CCDC85C: variants seen among roughly 807,000 people sequenced by gnomAD.
The protein encoded by CCDC85C is coiled-coil domain-containing protein 85C.
In CCDC85C, 18 loss-of-function variants were observed where a neutral mutation model predicts 38.3. The observed-to-expected ratio is 0.47, with a 90% confidence interval of 0.33 to 0.70. The LOEUF (loss-of-function observed/expected upper bound fraction) is 0.70, where lower values mean the gene tolerates loss of function less well. Ranked by LOEUF, CCDC85C falls within the 30% of genes least tolerant of loss-of-function variation. CCDC85C has a pLI of 0.03. For missense variants in CCDC85C, 566 were observed against 621.2 expected (o/e 0.91, Z 0.94); for synonymous variants, 264 against 293.8 (o/e 0.90, Z 1.04).
intron 1 of CCDC85C, among the ~76,000 whole-genome samples, chr14:99,552,085 G>T (rs12882990): frequency 0.53 from 80,836 of 152,124 alleles, 21,680 homozygotes; most frequent in African/African-American, 0.58. Context: ...GCACTAACCC[G>T]GAACCTGGGG....
Position 99,603,771 on chromosome 14 carries a change from G to T in CCDC85C, c.189C>A (p.His63Gln), listed in dbSNP as rs564615095. The T allele has an allele frequency of 6.6e-7, 1 of 1,526,250 alleles. No homozygotes were observed. Among genetic ancestry groups the T allele is most frequent in the Non-Finnish European group, 8.8e-7 (1 of 1,142,722 alleles). 94.5% of individuals were successfully genotyped at this position (1,526,250 alleles called of 1,614,324 possible). Residue 63 changes from histidine to glutamine, a missense_variant, in exon 1 of 6, where the codon CAC becomes CAA. Physicochemically the swap from His to Gln is conservative, Grantham distance 24 (BLOSUM62 0). This residue lies in a region of CCDC85C where 269 missense variants were observed against 308.2 expected (regional missense o/e 0.87). Transcript: ENST00000380243. This position sits in a 1 kb window ranked among gnomAD's most constrained non-coding sequence, Gnocchi z 7.5. ...MRDVNRRLQQ[H>Q]LLEIRGLKDV... ...CCTTGAGGCCGCGGATCTCCAGCAG[G>T]TGCTGCTGCAGCCGCCGGTTCACGT... is the stretch of plus-strand genomic sequence containing the variant.
At chr14:99,553,502 C>T (rs541548978) in intron 1 of CCDC85C, among the ~76,000 whole-genome samples, 1 of 152,290 alleles carries the variant, frequency 6.6e-6, no homozygotes, top group East Asian at 1.9e-4. Context: ...GTAAATGGGA[C>T]TACAGGCACG....
At chr14:99,559,678 G>A (rs1173171139) in intron 1 of CCDC85C, among the ~76,000 whole-genome samples, 1 of 152,186 alleles carries the variant, frequency 6.6e-6, no homozygotes, top group Non-Finnish European at 1.5e-5. Context: ...GGAGCAACGT[G>A]CCCATGTCTA....
chr14:99,590,466 G>A lies in CCDC85C; in HGVS notation c.793+12701C>T, dbSNP rs1175182665. On this transcript the variant is annotated intron_variant, in intron 1 of 5. Transcript: ENST00000380243. ...AGACTGGGAGGCCTGATGGGTTGTC[G>A]GGGGTACCGGGGGCCTCCAGGGCCA... 3.9e-5 allele frequency among the ~76,000 whole-genome samples: 6 copies of A among 152,314 alleles called. No homozygotes were observed. The East Asian group carries it at 7.7e-4, about 20-fold the overall frequency.
Position 99,509,903 on chromosome 14 carries a change from G to GTA in CCDC85C, c.*5341_*5342dup. Reference sequence around the variant, plus strand: ...GCTTCGGGTGCTGCCGAGACTGCCTGTAGGTGGTGTGGTCAGGGCTGAGGG... The same window carrying GTA: ...GCTTCGGGTGCTGCCGAGACTGCCTGTATAGGTGGTGTGGTCAGGGCTGAGGG... On this transcript the variant is annotated 3_prime_UTR_variant, in exon 6 of 6. Transcript: ENST00000380243. 1.8e-6 allele frequency: 1 copy of GTA among 561,036 alleles called. No individual in the cohort carries two copies. The allele number at this position is 561,036 out of a possible 1,614,324, so 34.8% of individuals were successfully genotyped here. A position where few individuals can be genotyped will look rare whatever the true frequency, so the allele number is the denominator to read the frequency against.
rs918779503 is a variant in CCDC85C at position 99,520,296 on chromosome 14, A to G, written c.975+1837T>C. Among the ~76,000 whole-genome samples the G allele has an allele frequency of 7.2e-5, 11 of 152,130 alleles. No homozygotes were observed. Among genetic ancestry groups the G allele is most frequent in the African/African-American group, 2.4e-4 (10 of 41,444 alleles). On this transcript the variant is annotated intron_variant, in intron 3 of 5. Coordinates refer to ENST00000380243, the MANE Select transcript of CCDC85C (RefSeq NM_001144995.2). This position sits in a 1 kb window ranked among gnomAD's most constrained non-coding sequence, Gnocchi z 4.1. Reference sequence around the variant, plus strand: ...CTCCCCGGGGGTCCAAGTGCCAGACATGGGCTCTCCAGGCCCCAGCAAGGG... The same window carrying G: ...CTCCCCGGGGGTCCAAGTGCCAGACGTGGGCTCTCCAGGCCCCAGCAAGGG...
At position 99,571,413 on chromosome 14, in the gene CCDC85C, T is replaced by C. The variant is rs1164526131; in HGVS notation, c.793+31754A>G. Among the ~76,000 whole-genome samples the C allele has an allele frequency of 2.6e-5, 4 of 152,198 alleles. No individual in the cohort carries two copies. In the East Asian group the frequency reaches 7.7e-4, roughly 29 times the overall value. ...AACCCCCCAGCTCCAGCTGCTGTGA[T>C]GACCAAGTGCCTTTTGGGCGTGCAG... On this transcript the variant is annotated intron_variant, in intron 1 of 5. Transcript: ENST00000380243.
intron 2 of CCDC85C, among the ~76,000 whole-genome samples, chr14:99,529,640 G>A (rs1443261638): frequency 6.6e-6 from 1 of 152,230 alleles, no homozygotes; most frequent in Non-Finnish European, 1.5e-5. Context: ...CTGATCTCAG[G>A]TGACCTGCCA....
rs1300634628 is a variant in CCDC85C, at chr14:99,544,143, C to T, written c.794-8055G>A. On this transcript the variant is annotated intron_variant, in intron 1 of 5. Coordinates refer to ENST00000380243, the MANE Select transcript of CCDC85C (RefSeq NM_001144995.2). The surrounding 1 kb of genome is among the most constrained non-coding windows in gnomAD (Gnocchi z 5.3). ...ACGAGGGACATCCTGTAACTGCTAC[C>T]ACTGTGTCATCGACAAGGCGCCTGA... is the stretch of plus-strand genomic sequence containing the variant. Among the ~76,000 whole-genome samples the T allele has an allele frequency of 1.3e-5, 2 of 152,188 alleles. No individual in the cohort carries two copies. The highest frequency in any genetic ancestry group is 2.9e-5 in the Non-Finnish European group (2 of 68,040).
At chr14:99,524,260 G>A (rs1293133966) in intron 2 of CCDC85C, among the ~76,000 whole-genome samples, 1 of 152,036 alleles carries the variant, frequency 6.6e-6, no homozygotes, top group African/African-American at 2.4e-5. Context: ...GCCAGGAAGG[G>A]TACACCTGGG....
In CCDC85C at chr14:99,516,167, C is replaced by T. The variant is rs555282245; in HGVS notation, c.1170+21G>A. The T allele has an allele frequency of 6.9e-5, 107 of 1,543,910 alleles. No homozygotes were observed. The South Asian group carries it at 9.4e-4, about 14-fold the overall frequency. On this transcript the variant is annotated intron_variant, in intron 5 of 5. Coordinates refer to ENST00000380243, the MANE Select transcript of CCDC85C (RefSeq NM_001144995.2). This position sits in a 1 kb window ranked among gnomAD's most constrained non-coding sequence, Gnocchi z 5.5. ...GCACTCCCAGTGCCAAGCCTCTGCC[C>T]CCCACCCCTGGAAGCCTCACGTTGC...
chr14:99,540,435 C>T (rs1897690151), intron 1 of CCDC85C, among the ~76,000 whole-genome samples: 1 of 152,198 alleles, frequency 6.6e-6, no homozygotes, highest in African/African-American at 2.4e-5. Context: ...GAGGACTGTC[C>T]TTCCTGGCAG....
At chr14:99,590,033 T>A (rs1339332550) in intron 1 of CCDC85C, among the ~76,000 whole-genome samples, 1 of 152,190 alleles carries the variant, frequency 6.6e-6, no homozygotes, top group Non-Finnish European at 1.5e-5. Flanking sequence ...TCGCACAACA[T>A]TTCAGCACCA....
At position 99,507,780 on chromosome 14, in the gene CCDC85C, G is replaced by A. The variant is rs1897012568; in HGVS notation, c.*7466C>T. The A allele has an allele frequency of 6.5e-6, 1 of 153,128 alleles. No homozygotes were observed. The highest frequency in any genetic ancestry group is 1.5e-5 in the Non-Finnish European group (1 of 68,752). The allele number at this position is 153,128 out of a possible 1,614,324, so 9.5% of individuals were successfully genotyped here. Reference sequence around the variant, plus strand: ...TACACCTGCTTCCTATTGGCAGTGTGTCGTCTTAGTGCATTCTGAAGAATA... The same window carrying A: ...TACACCTGCTTCCTATTGGCAGTGTATCGTCTTAGTGCATTCTGAAGAATA... On this transcript the variant is annotated 3_prime_UTR_variant, in exon 6 of 6. Coordinates refer to ENST00000380243, the MANE Select transcript of CCDC85C (RefSeq NM_001144995.2).
In CCDC85C at chr14:99,506,914, T is replaced by G; in HGVS notation, c.*8332A>C. 1.6e-6 allele frequency: 1 copy of G among 627,068 alleles called. No individual in the cohort carries two copies. Among genetic ancestry groups the G allele is most frequent in the East Asian group, 2.7e-5 (1 of 36,540 alleles). 38.8% of individuals were successfully genotyped at this position (627,068 alleles called of 1,614,324 possible). The stretch of plus-strand genomic sequence containing the variant: ...GCATTTAATTTGTTAACAGGATTCA[T>G]GCATAATGGTTTAGCTGAAACCTTC... On this transcript the variant is annotated 3_prime_UTR_variant, in exon 6 of 6. Transcript: ENST00000380243.
intron 1 of CCDC85C, among the ~76,000 whole-genome samples, chr14:99,551,749 G>A (rs944492617): frequency 6.6e-6 from 1 of 152,048 alleles, no homozygotes; most frequent in Non-Finnish European, 1.5e-5. Flanking sequence ...GAGTGAGCAA[G>A]TGAGTAAGCA....
chr14:99,544,514 GTGTC>G lies in CCDC85C; in HGVS notation c.794-8430_794-8427del, dbSNP rs1489566362. Among the ~76,000 whole-genome samples the G allele has an allele frequency of 5.3e-5, 8 of 151,202 alleles. No individual in the cohort carries two copies. Among genetic ancestry groups the G allele is most frequent in the African/African-American group, 2.0e-4 (8 of 40,726 alleles). ...GGTGTGTGTGTGTGTGTGTGTGTGT[GTGTC>G]TGTGTGTCTGTGTGTTCCCACACCC... On this transcript the variant is annotated intron_variant, in intron 1 of 5. Transcript: ENST00000380243. This position sits in a 1 kb window ranked among gnomAD's most constrained non-coding sequence, Gnocchi z 5.3.
intron 1 of CCDC85C, among the ~76,000 whole-genome samples, chr14:99,589,200 C>A (rs1305110810): frequency 6.6e-6 from 1 of 151,170 alleles, no homozygotes; most frequent in African/African-American, 2.4e-5. Flanking sequence ...GAGCACACAG[C>A]CACGGCCGGG....
chr14:99,540,807 AG>A (rs1897697837), intron 1 of CCDC85C, among the ~76,000 whole-genome samples: 1 of 152,026 alleles, frequency 6.6e-6, no homozygotes, highest in Non-Finnish European at 1.5e-5. Flanking sequence ...TCCCATGAGG[AG>A]GGGGTGGGGG....
Sources: gnomAD v4.1 joint callset for allele counts (sites outside exome capture counted in the v4.1 genomes callset) on GRCh38, gnomAD v4.1.1 for gene constraint, gnomAD v4.1.1 regional missense constraint, Gnocchi (gnomAD v3.1) non-coding constraint, MANE v1.5 for transcripts, NCBI Gene and HGNC (gene_info 2026-07-23, HGNC 2026-07-21) for gene names.